LCK: variants seen among roughly 807,000 people sequenced by gnomAD.
LCK encodes the protein LCK proto-oncogene, Src family tyrosine kinase, also known as tyrosine-protein kinase Lck.
Under a neutral mutation model 64.6 loss-of-function variants are expected in LCK, and 14 were observed. The observed-to-expected ratio is 0.22, with a 90% CI of 0.14 to 0.34. The LOEUF (loss-of-function observed/expected upper bound fraction) is 0.34, where lower values mean the gene tolerates loss of function less well. LCK is among the 10% of genes least tolerant of loss of function. LCK has a pLI of 1.00. For synonymous variants in LCK, 277 were observed against 263.6 expected (o/e 1.05, Z -0.49); for missense variants, 434 against 668.1 (o/e 0.65, Z 3.86).
chr1:32,284,231 A>G (rs1640546584), intron 12 of LCK, among the ~76,000 whole-genome samples: 1 of 149,536 alleles, frequency 6.7e-6, no homozygotes, highest in Non-Finnish European at 1.5e-5. Flanking sequence ...CTGTGCCTGG[A>G]TAGATTTGAT....
At chr1:32,273,161 GT>G (rs1640157053) in intron 1 of LCK, among the ~76,000 whole-genome samples, 1 of 130,064 alleles carries the variant, frequency 7.7e-6, no homozygotes, top group African/African-American at 2.9e-5. Context: ...GTGAGTGTGT[GT>G]GTGGGGGGGC....
intron 1 of LCK, among the ~76,000 whole-genome samples, chr1:32,271,540 A>G (rs1640081482): frequency 6.6e-6 from 1 of 152,166 alleles, no homozygotes; most frequent in Non-Finnish European, 1.5e-5. Flanking sequence ...ACCTGGGCTC[A>G]GTGGTGCCAG....
rs1640223751 is a variant in LCK at position 32,275,271 on chromosome 1, T to C, written c.279-50T>C. 6 of 1,582,558 alleles carry C rather than the reference T, an allele frequency of 3.8e-6. No homozygotes were observed. Among genetic ancestry groups the C allele is most frequent in the African/African-American group, 2.7e-5 (2 of 74,194 alleles). ...GGGTGGAGGGGTCTTTGAGGGAGGG[T>C]CTCAGGTCGACGGCTGAGCGAGCCA... On this transcript the variant is annotated intron_variant, in intron 4 of 12. Transcript: ENST00000336890. This position sits in a 1 kb window ranked among gnomAD's most constrained non-coding sequence, Gnocchi z 6.9.
chr1:32,270,346 C>G (rs1415831106), intron 1 of LCK, among the ~76,000 whole-genome samples: 1 of 151,032 alleles, frequency 6.6e-6, no homozygotes, highest in Non-Finnish European at 1.5e-5. Flanking sequence ...CCAGGTGATC[C>G]ACCCACCTTG....
intron 9 of LCK, among the ~76,000 whole-genome samples, chr1:32,278,584 C>T (rs1236744993): frequency 6.6e-6 from 1 of 152,122 alleles, no homozygotes; most frequent in Non-Finnish European, 1.5e-5. Context: ...GGTGATCCTC[C>T]CGCCTTGGCC....
chr1:32,280,748 C>T (rs1330657826), intron 12 of LCK, among the ~76,000 whole-genome samples: 2 of 151,942 alleles, frequency 1.3e-5, no homozygotes, highest in African/African-American at 2.4e-5. Flanking sequence ...CCACCACACC[C>T]GGCCCCAGCT....
Position 32,275,682 on chromosome 1 carries a change from C to T in LCK, c.481+10C>T, listed in dbSNP as rs1467488730. 3 of 1,553,650 alleles carry T rather than the reference C, an allele frequency of 1.9e-6. No homozygotes were observed. The highest frequency in any genetic ancestry group is 2.1e-4 in the Middle Eastern group (1 of 4,780). ...AGCGAGAGCACCGCGGGTGAGCGGGCGGCGGTCTCGACCGGGCGCGGGGGT... is the reference window on the plus strand; with the variant it reads ...AGCGAGAGCACCGCGGGTGAGCGGGTGGCGGTCTCGACCGGGCGCGGGGGT... On this transcript the variant is annotated intron_variant, in intron 6 of 12. Coordinates refer to ENST00000336890, the MANE Select transcript of LCK (RefSeq NM_005356.5). The surrounding 1 kb of genome is among the most constrained non-coding windows in gnomAD (Gnocchi z 6.9).
intron 1 of LCK, among the ~76,000 whole-genome samples, chr1:32,272,588 AG>A (rs1640108859): frequency 7.2e-6 from 1 of 139,132 alleles, no homozygotes; most frequent in Non-Finnish European, 1.6e-5. Flanking sequence ...AGAGAGAGAA[AG>A]AGAGAGAGAG....
chr1:32,275,256 G>A lies in LCK; in HGVS notation c.279-65G>A. 6.4e-7 allele frequency: 1 copy of A among 1,552,400 alleles called. No homozygotes were observed. The highest frequency in any genetic ancestry group is 8.9e-7 in the Non-Finnish European group (1 of 1,124,730). On this transcript the variant is annotated intron_variant, in intron 4 of 12. Transcript: ENST00000336890. This position sits in a 1 kb window ranked among gnomAD's most constrained non-coding sequence, Gnocchi z 6.9. Reference sequence around the variant, plus strand: ...GGAGGCTGGCTTAAGGGGTGGAGGGGTCTTTGAGGGAGGGTCTCAGGTCGA... The same window carrying A: ...GGAGGCTGGCTTAAGGGGTGGAGGGATCTTTGAGGGAGGGTCTCAGGTCGA...
chr1:32,255,913 C>T (rs2124303493), intron 1 of LCK, among the ~76,000 whole-genome samples: 1 of 151,358 alleles, frequency 6.6e-6, no homozygotes, highest in East Asian at 1.9e-4. Flanking sequence ...GTGGTTCTCC[C>T]ACCTCAGCTT....
chr1:32,276,436 C>T lies in LCK; in HGVS notation c.731C>T (p.Thr244Met), dbSNP rs778448252. 1.2e-6 allele frequency: 2 copies of T among 1,612,894 alleles called. No homozygotes were observed. Among genetic ancestry groups the T allele is most frequent in the Admixed American group, 1.7e-5 (1 of 59,980 alleles). Residue 244 changes from threonine to methionine, a missense_variant, in exon 8 of 13, where the codon ACG (threonine) becomes ATG (methionine). Around this residue, in one of 2 missense-constraint regions of LCK, gnomAD observed 201 missense variants for 376.9 expected, o/e 0.53. Transcript: ENST00000336890. This position sits in a 1 kb window ranked among gnomAD's most constrained non-coding sequence, Gnocchi z 4.6. Reference protein sequence around the residue: ...WEDEWEVPRETLKLVERLGAG... With the variant: ...WEDEWEVPREMLKLVERLGAG... Reference sequence around the variant, plus strand: ...GACGAGTGGGAGGTTCCCAGGGAGACGCTGAAGCTGGTGGAGCGGCTGGGG... The same window carrying T: ...GACGAGTGGGAGGTTCCCAGGGAGATGCTGAAGCTGGTGGAGCGGCTGGGG...
At position 32,275,731 on chromosome 1, in the gene LCK, G is replaced by C. The variant is rs1640244774; in HGVS notation, c.481+59G>C. The C allele has an allele frequency of 6.8e-7, 1 of 1,476,470 alleles. No homozygotes were observed. The highest frequency in any genetic ancestry group is 2.0e-5 in the Admixed American group (1 of 50,000). The allele number at this position is 1,476,470 out of a possible 1,614,324, so 91.5% of individuals were successfully genotyped here. ...GTGCCCCGGGGTGTGCCCGAGGGGG[G>C]GCGCAGGGTGAGCCCGAGGTGGAGA... is the stretch of plus-strand genomic sequence containing the variant. On this transcript the variant is annotated intron_variant, in intron 6 of 12. Transcript: ENST00000336890. The surrounding 1 kb of genome is among the most constrained non-coding windows in gnomAD (Gnocchi z 6.9).
Position 32,276,269 on chromosome 1 carries a change from G to A in LCK, c.632-68G>A, listed in dbSNP as rs1640266170. 1 of 1,512,766 alleles carries A rather than the reference G, an allele frequency of 6.6e-7. No individual in the cohort carries two copies. The highest frequency in any genetic ancestry group is 1.4e-5 in the African/African-American group (1 of 72,102). 93.7% of individuals were successfully genotyped at this position (1,512,766 alleles called of 1,614,324 possible). A position where few individuals can be genotyped will look rare whatever the true frequency, so the allele number is the denominator to read the frequency against. On this transcript the variant is annotated intron_variant, in intron 7 of 12. Transcript: ENST00000336890. This position sits in a 1 kb window ranked among gnomAD's most constrained non-coding sequence, Gnocchi z 4.6. ...TTCACCTAGATGGGGGCTTGGAGAAGTGGGGGAGGTGGTGTCAATACGAGG... is the reference window on the plus strand; with the variant it reads ...TTCACCTAGATGGGGGCTTGGAGAAATGGGGGAGGTGGTGTCAATACGAGG...
Position 32,274,773 on chromosome 1 carries a change from C to A in LCK, c.142C>A (p.Leu48Met). The A allele has an allele frequency of 6.2e-7, 1 of 1,610,560 alleles. No individual in the cohort carries two copies. Reference protein sequence around the residue: ...IRNGSEVRDPLVTYEGSNPPA... With the variant: ...IRNGSEVRDPMVTYEGSNPPA... ...AAATGGCTCTGAGGTGCGGGACCCA[C>A]TGGTTACCTACGAAGGCTCCAATCC... The change falls in exon 3 of 13, where the codon CTG becomes ATG. Residue 48 changes from leucine to methionine, a missense_variant. Physicochemically the swap from Leu to Met is conservative, Grantham distance 15. This residue lies in a region of LCK where 233 missense variants were observed against 291.2 expected (regional missense o/e 0.80). Coordinates refer to ENST00000336890, the MANE Select transcript of LCK (RefSeq NM_005356.5).
At position 32,275,807 on chromosome 1, in the gene LCK, G is replaced by A; in HGVS notation, c.482-107G>A. On this transcript the variant is annotated intron_variant, in intron 6 of 12. Coordinates refer to ENST00000336890, the MANE Select transcript of LCK (RefSeq NM_005356.5). This position sits in a 1 kb window ranked among gnomAD's most constrained non-coding sequence, Gnocchi z 6.9. Reference sequence around the variant, plus strand: ...GGGATGAGCCCGAGGTGGGGGCGCGGGATGACCCGGAGTTGGGGGTGCTGG... The same window carrying A: ...GGGATGAGCCCGAGGTGGGGGCGCGAGATGACCCGGAGTTGGGGGTGCTGG... 6.9e-7 allele frequency: 1 copy of A among 1,458,870 alleles called. No homozygotes were observed. Among genetic ancestry groups the A allele is most frequent in the South Asian group, 1.3e-5 (1 of 79,022 alleles). The allele number at this position is 1,458,870 out of a possible 1,614,324, so 90.4% of individuals were successfully genotyped here.
intron 1 of LCK, chr1:32,269,735 ACT>A (rs1640027361): frequency 6.6e-6 from 1 of 151,618 alleles, no homozygotes; most frequent in African/African-American, 2.4e-5. Context: ...CCCAGCCGAG[ACT>A]CTATTAAAAA....
chr1:32,276,920 G>C lies in LCK; in HGVS notation c.964+134G>C, dbSNP rs886948094. On this transcript the variant is annotated intron_variant, in intron 9 of 12. Coordinates refer to ENST00000336890, the MANE Select transcript of LCK (RefSeq NM_005356.5). The surrounding 1 kb of genome is among the most constrained non-coding windows in gnomAD (Gnocchi z 4.6). ...TTCTTGAGCTTTCCTGCCCCCTGGA[G>C]ACTCACCTCCAGCCGGGCGCGGTGG... The C allele has an allele frequency of 6.3e-5, 60 of 959,970 alleles. No individual in the cohort carries two copies. Among genetic ancestry groups the C allele is most frequent in the Non-Finnish European group, 8.3e-5 (57 of 682,936 alleles). 59.5% of individuals were successfully genotyped at this position (959,970 alleles called of 1,614,324 possible). A position where few individuals can be genotyped will look rare whatever the true frequency, so the allele number is the denominator to read the frequency against.
Position 32,263,028 on chromosome 1 carries a change from C to A in LCK, c.-5-11297C>A, listed in dbSNP as rs1055601129. On this transcript the variant is annotated intron_variant, in intron 1 of 12. Transcript: ENST00000336890. ...TTCATAGATTCGAGGCTGCCTCTGACTAGGGCATGTAATGTTCTCAGTCAA... is the reference window on the plus strand; with the variant it reads ...TTCATAGATTCGAGGCTGCCTCTGAATAGGGCATGTAATGTTCTCAGTCAA... Among the ~76,000 whole-genome samples, 9 of 152,070 alleles carry A rather than the reference C, an allele frequency of 5.9e-5. 1 individual carries two copies. The highest frequency in any genetic ancestry group is 2.2e-4 in the African/African-American group (9 of 41,404).
At chr1:32,271,495 A>G (rs1640080699) in intron 1 of LCK, among the ~76,000 whole-genome samples, 1 of 152,120 alleles carries the variant, frequency 6.6e-6, no homozygotes, top group South Asian at 2.1e-4. Context: ...CGGGCAACAT[A>G]GCAATACCCC....
Sources: allele counts gnomAD v4.1 joint callset (sites outside exome capture counted in the v4.1 genomes callset), GRCh38; gene constraint gnomAD v4.1.1; regional missense constraint gnomAD v4.1.1; non-coding constraint Gnocchi (gnomAD v3.1); transcripts MANE v1.5; gene names NCBI Gene and HGNC (gene_info 2026-07-23, HGNC 2026-07-21).